LAMA2: variants seen among roughly 807,000 people sequenced by gnomAD.
The protein encoded by LAMA2 is laminin subunit alpha-2.
LAMA2 carries 269 observed loss-of-function variants against 364.8 expected under a neutral mutation model. The ratio of observed to expected loss-of-function variants is 0.74; its 90% CI spans 0.67 to 0.82. The LOEUF (loss-of-function observed/expected upper bound fraction) is 0.82, where lower values mean the gene tolerates loss of function less well. Among genes scored for constraint, LAMA2 ranks in the 40% least tolerant of loss-of-function variants. The probability of loss-of-function intolerance (pLI) is 0.00; values close to 1 mark genes in which losing one functional copy is unlikely to be tolerated. For synonymous variants in LAMA2, 1,379 were observed against 1,370.6 expected (o/e 1.01, Z -0.14); for missense variants, 3,807 against 3,873.2 (o/e 0.98, Z 0.45).
At chr6:129,240,550 C>T (rs1284625304) in intron 12 of LAMA2, among the ~76,000 whole-genome samples, 1 of 152,148 alleles carries the variant, frequency 6.6e-6, no homozygotes, top group East Asian at 1.9e-4. Context: ...GCTGTTGGGA[C>T]CATCAACATC....
intron 4 of LAMA2, 73 bp from the exon 5 acceptor site, chr6:129,143,828 C>G: frequency 8.6e-7 from 1 of 1,165,484 alleles, no homozygotes; most frequent in Non-Finnish European, 1.3e-6. Context: ...TTTATTTTTC[C>G]AAGAAAAAGA....
intron 14 of LAMA2, among the ~76,000 whole-genome samples, chr6:129,260,483 CA>C (rs1562388975): frequency 6.6e-6 from 1 of 152,056 alleles, no homozygotes; most frequent in African/African-American, 2.4e-5. Context: ...AGAACATTCT[CA>C]TATCTTTTCA....
chr6:129,375,729 T>C (rs1778335183), intron 34 of LAMA2, among the ~76,000 whole-genome samples: 2 of 152,244 alleles, frequency 1.3e-5, no homozygotes, highest in Non-Finnish European at 2.9e-5. Context: ...TCAATTGCCA[T>C]GTACAAGCTG....
chr6:129,006,328 C>A (rs1380092902), intron 1 of LAMA2, among the ~76,000 whole-genome samples: 1 of 152,122 alleles, frequency 6.6e-6, no homozygotes, highest in Admixed American at 6.6e-5. Flanking sequence ...AGTTTAATAT[C>A]TTTTAACTTG....
intron 12 of LAMA2, among the ~76,000 whole-genome samples, chr6:129,206,149 G>T (rs1303236219): frequency 7.7e-6 from 1 of 129,426 alleles, no homozygotes; most frequent in East Asian, 2.1e-4. Context: ...AGGAAGGAAG[G>T]AAGGAAGGAA....
chr6:129,510,506 T>C (rs1786485373), intron 62 of LAMA2, among the ~76,000 whole-genome samples: 1 of 152,194 alleles, frequency 6.6e-6, no homozygotes, highest in Non-Finnish European at 1.5e-5. Flanking sequence ...GAAATACGTG[T>C]ATGTTCATTA....
At chr6:129,497,298 C>T (rs1000327460) in intron 58 of LAMA2, among the ~76,000 whole-genome samples, 15 of 151,774 alleles carry the variant, frequency 9.9e-5, no homozygotes, top group South Asian at 4.2e-4. Flanking sequence ...TGTGCAGTGG[C>T]GCAATCATGG....
At chr6:129,280,302 T>A (rs141064925) in intron 18 of LAMA2, among the ~76,000 whole-genome samples, 155 bp downstream of exon 18, 37 of 152,344 alleles carry the variant, frequency 2.4e-4, no homozygotes, top group African/African-American at 8.7e-4. Flanking sequence ...AACAAATGCA[T>A]TATATTTTTG....
At chr6:128,915,404 A>G (rs112556474) in intron 1 of LAMA2, among the ~76,000 whole-genome samples, 181 of 152,324 alleles carry the variant, frequency 1.2e-3, no homozygotes, top group South Asian at 4.1e-3. Context: ...GAGCTAAGGA[A>G]GGAATTCTAT....
intron 32 of LAMA2, among the ~76,000 whole-genome samples, chr6:129,353,618 G>T (rs1776990776): frequency 6.6e-6 from 1 of 152,028 alleles, no homozygotes; most frequent in African/African-American, 2.4e-5. Context: ...TGAAGCTCCT[G>T]GAGGCATTTT....
At chr6:129,051,926 G>C (rs571647835) in intron 2 of LAMA2, among the ~76,000 whole-genome samples, 1 of 151,714 alleles carries the variant, frequency 6.6e-6, no homozygotes, top group Admixed American at 6.6e-5. Flanking sequence ...GTGTGTTTAG[G>C]ATGGGCTGTG....
At chr6:129,132,587 C>T (rs1430202791) in intron 4 of LAMA2, among the ~76,000 whole-genome samples, 1 of 152,156 alleles carries the variant, frequency 6.6e-6, no homozygotes, top group Non-Finnish European at 1.5e-5. Context: ...TTAGCATTTC[C>T]AGAAGCACCT....
intron 62 of LAMA2, among the ~76,000 whole-genome samples, chr6:129,511,433 C>T (rs138139462): frequency 5.3e-5 from 8 of 152,126 alleles, no homozygotes; most frequent in East Asian, 1.9e-4. Flanking sequence ...GTTGCCCAGG[C>T]GCAACTGGCT....
intron 1 of LAMA2, among the ~76,000 whole-genome samples, chr6:129,030,060 C>T (rs1049636784): frequency 1.3e-5 from 2 of 152,004 alleles, no homozygotes; most frequent in African/African-American, 2.4e-5. Flanking sequence ...ACCTGGGGTC[C>T]TAATCTTTGC....
intron 12 of LAMA2, among the ~76,000 whole-genome samples, chr6:129,216,755 A>G (rs1051275257): frequency 6.6e-6 from 1 of 152,226 alleles, no homozygotes; most frequent in African/African-American, 2.4e-5. Context: ...TTTTTGTTGC[A>G]CAATTAGAAA....
At chr6:129,194,438 A>C (rs1781719712) in intron 12 of LAMA2, among the ~76,000 whole-genome samples, 1 of 152,174 alleles carries the variant, frequency 6.6e-6, no homozygotes, top group Non-Finnish European at 1.5e-5. Flanking sequence ...ATTCGGTAGA[A>C]TCAGAACAAA....
intron 1 of LAMA2, among the ~76,000 whole-genome samples, chr6:128,982,349 T>C (rs939086464): frequency 1.3e-5 from 2 of 152,196 alleles, no homozygotes; most frequent in Non-Finnish European, 1.5e-5. Context: ...ACAGATCTTA[T>C]ATTTATGTGG....
chr6:128,957,736 GCAGT>G (rs1781237313), intron 1 of LAMA2, among the ~76,000 whole-genome samples: 1 of 151,832 alleles, frequency 6.6e-6, no homozygotes, highest in Admixed American at 6.6e-5. Context: ...GTCTCGAAGA[GCAGT>G]TTACACTCAG....
intron 1 of LAMA2, among the ~76,000 whole-genome samples, chr6:128,961,924 C>G (rs752924871): frequency 6.6e-6 from 1 of 151,512 alleles, no homozygotes; most frequent in Non-Finnish European, 1.5e-5. Flanking sequence ...AACACTTACT[C>G]TAGCCTTGTA....
Sources: allele counts gnomAD v4.1 joint callset (sites outside exome capture counted in the v4.1 genomes callset), GRCh38; gene constraint gnomAD v4.1.1; transcripts MANE v1.5; gene names NCBI Gene and HGNC (gene_info 2026-07-23, HGNC 2026-07-21).